PAQR4: variants seen among roughly 807,000 people sequenced by gnomAD.
PAQR4 encodes progestin and adipoQ receptor family member IV.
A neutral mutation model predicts 20.9 loss-of-function variants in PAQR4; 26 were observed. That is an observed-to-expected ratio of 1.24 (90% CI 0.91 to 1.73). PAQR4 has a LOEUF of 1.73. Ranked by LOEUF, PAQR4 falls within the 40% of genes most tolerant of loss-of-function variation. PAQR4 has a pLI of 0.00. For synonymous variants in PAQR4, 193 were observed against 171.6 expected (o/e 1.12, Z -0.97); for missense variants, 400 against 380.1 (o/e 1.05, Z -0.44).
chr16:2,969,712 C>T lies in PAQR4; in HGVS notation c.38C>T (p.Ala13Val), dbSNP rs925884510. The T allele has an allele frequency of 1.3e-6, 2 of 1,599,928 alleles. No individual in the cohort carries two copies. Among genetic ancestry groups the T allele is most frequent in the African/African-American group, 1.4e-5 (1 of 73,920 alleles). ...FLAGPRLLDW[A>V]SSPPHLQFNK... ...GCCGGGCCGCGCCTGCTGGACTGGG[C>T]CAGCTCGCCGCCGCACCTGCAGTTC... The change falls in exon 1 of 3, where the codon GCC (alanine) becomes GTC (valine). Residue 13 changes from alanine to valine, a missense_variant. Coordinates refer to ENST00000318782, the MANE Select transcript of PAQR4 (RefSeq NM_152341.5).
At position 2,971,674 on chromosome 16, in the gene PAQR4, C is replaced by T. The variant is rs190272622; in HGVS notation, c.548C>T (p.Ala183Val). Residue 183 changes from alanine to valine, a missense_variant, in exon 3 of 3, where the codon GCC (alanine) becomes GTC (valine). Physicochemically the swap from Ala to Val is moderately conservative, Grantham distance 64 (BLOSUM62 0). Coordinates refer to ENST00000318782, the MANE Select transcript of PAQR4 (RefSeq NM_152341.5). Reference protein sequence around the residue: ...RLRAFGWQAAARLLVFGARGV... With the variant: ...RLRAFGWQAAVRLLVFGARGV... ...CGGGCATTTGGATGGCAGGCTGCTGCCCGCCTACTGGTATTTGGGGCCCGG... is the reference window on the plus strand; with the variant it reads ...CGGGCATTTGGATGGCAGGCTGCTGTCCGCCTACTGGTATTTGGGGCCCGG... The T allele has an allele frequency of 9.9e-6, 16 of 1,611,542 alleles. No individual in the cohort carries two copies. In the African/African-American group the frequency reaches 1.7e-4, roughly 17 times the overall value.
In PAQR4 at chr16:2,969,652, G is replaced by C. The variant is rs548750512; in HGVS notation, c.-23G>C. The C allele has an allele frequency of 3.3e-6, 5 of 1,499,694 alleles. No individual in the cohort carries two copies. In the African/African-American group the frequency reaches 7.2e-5, roughly 22 times the overall value. 92.9% of individuals were successfully genotyped at this position (1,499,694 alleles called of 1,614,324 possible). The stretch of plus-strand genomic sequence containing the variant: ...GGAGGCTCGGGGACAGCAGGAGCAC[G>C]GGCTGCCCGCGCGGTGCGGACCATG... On this transcript the variant is annotated 5_prime_UTR_variant, in exon 1 of 3. Transcript: ENST00000318782.
rs746558706 is a variant in PAQR4 at position 2,972,407 on chromosome 16, G to A, written c.*459G>A. 2 of 562,984 alleles carry A rather than the reference G, an allele frequency of 3.6e-6. No individual in the cohort carries two copies. The highest frequency in any genetic ancestry group is 2.4e-5 in the South Asian group (1 of 42,248). 34.9% of individuals were successfully genotyped at this position (562,984 alleles called of 1,614,324 possible). ...CAGCCCTCCCAGCAGCCACAAGCTT[G>A]CCCGCCCTGGCTCCCTCTGCCCAGA... On this transcript the variant is annotated 3_prime_UTR_variant, in exon 3 of 3. Coordinates refer to ENST00000318782, the MANE Select transcript of PAQR4 (RefSeq NM_152341.5).
At position 2,973,253 on chromosome 16, in the gene PAQR4, G is replaced by A. The variant is rs1419382354; in HGVS notation, c.*1305G>A. ...AGGCGAGACAAGGAGGGTGTCCAGGGCTAGGGAGTGCCGGATGAAACCAGC... is the reference window on the plus strand; with the variant it reads ...AGGCGAGACAAGGAGGGTGTCCAGGACTAGGGAGTGCCGGATGAAACCAGC... On this transcript the variant is annotated 3_prime_UTR_variant, in exon 3 of 3. Coordinates refer to ENST00000318782, the MANE Select transcript of PAQR4 (RefSeq NM_152341.5). The A allele has an allele frequency of 2.0e-6, 3 of 1,482,434 alleles. No individual in the cohort carries two copies. Among genetic ancestry groups the A allele is most frequent in the East Asian group, 2.4e-5 (1 of 40,836 alleles). The allele number at this position is 1,482,434 out of a possible 1,614,324, so 91.8% of individuals were successfully genotyped here.
rs770927198 is a variant in PAQR4, at chr16:2,972,934, C to T, written c.*986C>T. 26 of 1,587,748 alleles carry T rather than the reference C, an allele frequency of 1.6e-5. No homozygotes were observed. Among genetic ancestry groups the T allele is most frequent in the Middle Eastern group, 1.8e-4 (1 of 5,510 alleles). On this transcript the variant is annotated 3_prime_UTR_variant, in exon 3 of 3. Transcript: ENST00000318782. ...GACACAGGATAAAAGGTTAAAAGTG[C>T]AGAGGCAGAGTCTGGGGCTCAGGTT... is the stretch of plus-strand genomic sequence containing the variant.
At chr16:2,970,585 CT>C in intron 1 of PAQR4, among the ~76,000 whole-genome samples, 1 of 152,326 alleles carries the variant, frequency 6.6e-6, no homozygotes, top group Admixed American at 6.5e-5. Context: ...GGACAAGCCC[CT>C]CGAAGCCCCC....
At position 2,972,640 on chromosome 16, in the gene PAQR4, G is replaced by C. The variant is rs940150839; in HGVS notation, c.*692G>C. The C allele has an allele frequency of 2.9e-5, 44 of 1,535,574 alleles. No individual in the cohort carries two copies. Among genetic ancestry groups the C allele is most frequent in the Non-Finnish European group, 3.5e-5 (40 of 1,146,798 alleles). ...CAACAGCTCCAGGTACCCACCGGGG[G>C]ATGTGCCTGCTCAGGAAACCTCTTT... is the stretch of plus-strand genomic sequence containing the variant. On this transcript the variant is annotated 3_prime_UTR_variant, in exon 3 of 3. Transcript: ENST00000318782.
At position 2,972,846 on chromosome 16, in the gene PAQR4, C is replaced by T. The variant is rs372084213; in HGVS notation, c.*898C>T. 8.5e-5 allele frequency: 130 copies of T among 1,532,324 alleles called. No individual in the cohort carries two copies. In the South Asian group the frequency reaches 1.1e-3, roughly 12 times the overall value. The allele number at this position is 1,532,324 out of a possible 1,614,324, so 94.9% of individuals were successfully genotyped here. On this transcript the variant is annotated 3_prime_UTR_variant, in exon 3 of 3. Transcript: ENST00000318782. Reference sequence around the variant, plus strand: ...AGGTTCAAATACTTTTTATTAGACACGGCCAGGCAGAGAAGACCATGGGAG... The same window carrying T: ...AGGTTCAAATACTTTTTATTAGACATGGCCAGGCAGAGAAGACCATGGGAG...
rs201550123 is a variant in PAQR4 at position 2,971,940 on chromosome 16, C to T, written c.814C>T (p.Arg272Trp). 88 of 1,582,972 alleles carry T rather than the reference C, an allele frequency of 5.6e-5. 1 individual carries two copies. Among genetic ancestry groups the T allele is most frequent in the South Asian group, 3.4e-4 (30 of 89,170 alleles). Residue 272 changes from arginine to tryptophan, a missense_variant, in exon 3 of 3, where the codon CGG (arginine) becomes TGG (tryptophan). By Grantham distance (101) the Arg-to-Trp change is moderately radical. Coordinates refer to ENST00000318782, the MANE Select transcript of PAQR4 (RefSeq NM_152341.5). ...CTGGGCTGCCCACCACGCCTGTCCC[C>T]GGGACTGAGCTGCCATGCCAGCCTG... ...LLWAAHHACP[R>W]D
In PAQR4 at chr16:2,969,418, C is replaced by T; in HGVS notation, c.-257C>T. 1 of 207,314 alleles carries T rather than the reference C, an allele frequency of 4.8e-6. No individual in the cohort carries two copies. The highest frequency in any genetic ancestry group is 9.5e-6 in the Non-Finnish European group (1 of 105,394). The allele number at this position is 207,314 out of a possible 1,614,324, so 12.8% of individuals were successfully genotyped here. On this transcript the variant is annotated 5_prime_UTR_variant, in exon 1 of 3. Transcript: ENST00000318782. ...CTGCGGCGCGTCTGCCTTGGCGGAG[C>T]CGACCGCAGTGCGCTCAGGCGTCCG...
In PAQR4 at chr16:2,971,901, G is replaced by A. The variant is rs374456995; in HGVS notation, c.775G>A (p.Val259Met). Reference protein sequence around the residue: ...GSILQLHAGVVPDLLWAAHHA... With the variant: ...GSILQLHAGVMPDLLWAAHHA... The stretch of plus-strand genomic sequence containing the variant: ...CATCCTGCAGCTGCACGCCGGCGTC[G>A]TGCCCGACCTGCTCTGGGCTGCCCA... Residue 259 changes from valine to methionine, a missense_variant, in exon 3 of 3, where the codon GTG becomes ATG. Transcript: ENST00000318782. 6.4e-5 allele frequency: 103 copies of A among 1,606,436 alleles called. No individual in the cohort carries two copies. Among genetic ancestry groups the A allele is most frequent in the East Asian group, 3.6e-4 (16 of 44,864 alleles).
Position 2,973,081 on chromosome 16 carries a change from G to C in PAQR4, c.*1133G>C. On this transcript the variant is annotated 3_prime_UTR_variant, in exon 3 of 3. Transcript: ENST00000318782. ...AGGGCATCCCTGGGAGGAGAGAGTA[G>C]TGACACTCAGGATCCAAAAGCTAGC... 6.3e-7 allele frequency: 1 copy of C among 1,584,254 alleles called. No homozygotes were observed.
chr16:2,972,232 G>T lies in PAQR4; in HGVS notation c.*284G>T. 1.9e-6 allele frequency: 1 copy of T among 533,568 alleles called. No homozygotes were observed. The highest frequency in any genetic ancestry group is 2.9e-5 in the South Asian group (1 of 34,856). 33.1% of individuals were successfully genotyped at this position (533,568 alleles called of 1,614,324 possible). A position where few individuals can be genotyped will look rare whatever the true frequency, so the allele number is the denominator to read the frequency against. Reference sequence around the variant, plus strand: ...CTCTTTACCCTCTGTGACCTGTGGGGTTAGACCAGAGAGGGACTCTGGGGT... The same window carrying T: ...CTCTTTACCCTCTGTGACCTGTGGGTTTAGACCAGAGAGGGACTCTGGGGT... On this transcript the variant is annotated 3_prime_UTR_variant, in exon 3 of 3. Transcript: ENST00000318782.
At position 2,971,601 on chromosome 16, in the gene PAQR4, G is replaced by A; in HGVS notation, c.475G>A (p.Val159Met). ...ALVGYTVLSG[V>M]AGWRALTAPS... Reference sequence around the variant, plus strand: ...GGTGGGCTACACTGTGTTGTCGGGTGTGGCCGGCTGGCGTGCTCTCACCGC... The same window carrying A: ...GGTGGGCTACACTGTGTTGTCGGGTATGGCCGGCTGGCGTGCTCTCACCGC... Residue 159 changes from valine (V) to methionine (M), a missense_variant, in exon 3 of 3, where the codon GTG becomes ATG. By Grantham distance (21) the Val-to-Met change is conservative (BLOSUM62 1). Transcript: ENST00000318782. 6.2e-7 allele frequency: 1 copy of A among 1,602,856 alleles called. No homozygotes were observed. Among genetic ancestry groups the A allele is most frequent in the Non-Finnish European group, 8.5e-7 (1 of 1,179,814 alleles).
intron 1 of PAQR4, among the ~76,000 whole-genome samples, chr16:2,970,595 C>T (rs913419765): frequency 2.0e-5 from 3 of 152,166 alleles, no homozygotes; most frequent in Non-Finnish European, 2.9e-5. Flanking sequence ...CTCGAAGCCC[C>T]CTTCCCTTCA....
At chr16:2,971,031 C>A in intron 1 of PAQR4, 126 bp from the exon 2 acceptor site, 3 of 953,972 alleles carry the variant, frequency 3.1e-6, no homozygotes, top group Non-Finnish European at 4.7e-6. Flanking sequence ...CTGGCCAAGG[C>A]CAGGCCGCCA....
chr16:2,972,213 A>T lies in PAQR4; in HGVS notation c.*265A>T, dbSNP rs2151064904. On this transcript the variant is annotated 3_prime_UTR_variant, in exon 3 of 3. Coordinates refer to ENST00000318782, the MANE Select transcript of PAQR4 (RefSeq NM_152341.5). The stretch of plus-strand genomic sequence containing the variant: ...AACCTTTCCCTCTTGGGACCTCTTT[A>T]CCCTCTGTGACCTGTGGGGTTAGAC... The T allele has an allele frequency of 1.9e-6, 1 of 534,866 alleles. No homozygotes were observed. The highest frequency in any genetic ancestry group is 1.9e-5 in the African/African-American group (1 of 52,384). The allele number at this position is 534,866 out of a possible 1,614,324, so 33.1% of individuals were successfully genotyped here.
At position 2,969,859 on chromosome 16, in the gene PAQR4, C is replaced by T; in HGVS notation, c.166+19C>T. ...ACGCACGGTGAGCCGCGTCCCGCAA[C>T]GCGCTTCCCACACCCCCGGCCGCCC... On this transcript the variant is annotated intron_variant, in intron 1 of 2. Coordinates refer to ENST00000318782, the MANE Select transcript of PAQR4 (RefSeq NM_152341.5). The T allele has an allele frequency of 6.2e-7, 1 of 1,607,834 alleles. No individual in the cohort carries two copies. Among genetic ancestry groups the T allele is most frequent in the Non-Finnish European group, 8.5e-7 (1 of 1,177,830 alleles).
intron 1 of PAQR4, 109 bp downstream of exon 1, chr16:2,969,949 C>G: frequency 1.7e-5 from 23 of 1,378,000 alleles, no homozygotes; most frequent in Non-Finnish European, 2.2e-5. Context: ...CAGGGCTGCC[C>G]CGGCCCTGGC....
Sources: allele counts gnomAD v4.1 joint callset (sites outside exome capture counted in the v4.1 genomes callset), GRCh38; gene constraint gnomAD v4.1.1; transcripts MANE v1.5; gene names NCBI Gene and HGNC (gene_info 2026-07-23, HGNC 2026-07-21).